CNTN2: variants seen among roughly 807,000 people sequenced by gnomAD.
CNTN2 encodes contactin-2.
CNTN2 carries 53 observed loss-of-function variants against 117.5 expected under a neutral mutation model. The observed-to-expected ratio is 0.45, with a 90% CI of 0.36 to 0.57. The LOEUF is 0.57. Among genes scored for constraint, CNTN2 ranks in the 20% least tolerant of loss-of-function variants. CNTN2 has a pLI of 0.00. For missense variants in CNTN2, 1,106 were observed against 1,404.3 expected (o/e 0.79, Z 3.39); for synonymous variants, 530 against 561.7 (o/e 0.94, Z 0.80).
rs557499523 is a variant in CNTN2 at position 205,056,273 on chromosome 1, C to T, written c.71-1648C>T. On this transcript the variant is annotated intron_variant, in intron 2 of 22. Coordinates refer to ENST00000331830, the MANE Select transcript of CNTN2 (RefSeq NM_005076.5). ...TCCCAGCAGTCCGGCTGCCTCCCAGCGCCTCCTTTGCCTCCCCTCCCAGCA... is the reference window on the plus strand; with the variant it reads ...TCCCAGCAGTCCGGCTGCCTCCCAGTGCCTCCTTTGCCTCCCCTCCCAGCA... Among the ~76,000 whole-genome samples the T allele has an allele frequency of 3.9e-5, 6 of 152,316 alleles. No individual in the cohort carries two copies. The East Asian group carries it at 7.7e-4, about 20-fold the overall frequency.
chr1:205,065,034 G>A lies in CNTN2; in HGVS notation c.1520-53G>A. 1 of 1,589,834 alleles carries A rather than the reference G, an allele frequency of 6.3e-7. No individual in the cohort carries two copies. Among genetic ancestry groups the A allele is most frequent in the South Asian group, 1.1e-5 (1 of 89,082 alleles). On this transcript the variant is annotated intron_variant, in intron 12 of 22. Coordinates refer to ENST00000331830, the MANE Select transcript of CNTN2 (RefSeq NM_005076.5). This position sits in a 1 kb window ranked among gnomAD's most constrained non-coding sequence, Gnocchi z 4.1. ...CCTCTCAGCCTGCCCTGCGGACCCG[G>A]CCTGGGCCCATTTCCTCCCCCATCC...
rs969123490 is a variant in CNTN2, at chr1:205,061,071, C to T, written c.798-174C>T. ...TCTTGCCCCTTCCCTGCGTGTGCTC[C>T]GAGCCTACCTGGGAGAGGAGAGTGA... On this transcript the variant is annotated intron_variant, in intron 7 of 22. Transcript: ENST00000331830. This position sits in a 1 kb window ranked among gnomAD's most constrained non-coding sequence, Gnocchi z 4.8. The T allele has an allele frequency of 6.6e-5, 45 of 681,556 alleles. No individual in the cohort carries two copies. Among genetic ancestry groups the T allele is most frequent in the East Asian group, 1.1e-4 (4 of 34,828 alleles). The allele number at this position is 681,556 out of a possible 1,614,324, so 42.2% of individuals were successfully genotyped here. A position where few individuals can be genotyped will look rare whatever the true frequency, so the allele number is the denominator to read the frequency against.
At chr1:205,044,180 G>A (rs2096437132) in intron 1 of CNTN2, among the ~76,000 whole-genome samples, 1 of 152,166 alleles carries the variant, frequency 6.6e-6, no homozygotes, top group Admixed American at 6.5e-5. Flanking sequence ...AATGGTATGG[G>A]GAAGGGAAGG....
chr1:205,058,584 C>T lies in CNTN2; in HGVS notation c.408C>T (p.Ser136=). 2.5e-6 allele frequency: 4 copies of T among 1,613,892 alleles called. No homozygotes were observed. The highest frequency in any genetic ancestry group is 3.4e-6 in the Non-Finnish European group (4 of 1,180,008). ...TGCCTCCAGTTCTGCAGGAATTCTC[C>T]AAGGAGGAGCGAGACCCAGTGAAAG... ...ILRFGFLQEF[S]KEERDPVKAH... is the part of the protein sequence containing the mutation. The change falls in exon 5 of 23, where the codon TCC becomes TCT. Residue 136 remains serine, a synonymous_variant. Transcript: ENST00000331830. The surrounding 1 kb of genome is among the most constrained non-coding windows in gnomAD (Gnocchi z 4.3).
In CNTN2 at chr1:205,048,054, C is replaced by T. The variant is rs1364323417; in HGVS notation, c.-87+4660C>T. Among the ~76,000 whole-genome samples, 3 of 152,154 alleles carry T rather than the reference C, an allele frequency of 2.0e-5. No individual in the cohort carries two copies. The highest frequency in any genetic ancestry group is 7.2e-5 in the African/African-American group (3 of 41,442). On this transcript the variant is annotated intron_variant, in intron 1 of 22. Transcript: ENST00000331830. The surrounding 1 kb of genome is among the most constrained non-coding windows in gnomAD (Gnocchi z 4.1). ...GCTGTTTTATAGGATAGAGGTCAAG[C>T]GGGGGCCTGAAGGGCTCCTCAAGTA...
intron 1 of CNTN2, among the ~76,000 whole-genome samples, chr1:205,047,159 C>T (rs777513968): frequency 3.9e-5 from 6 of 152,158 alleles, no homozygotes; most frequent in Non-Finnish European, 7.4e-5. Flanking sequence ...TAAGGAAGGA[C>T]GGGGCTGCAC....
chr1:205,069,437 C>T (rs1008884945), intron 16 of CNTN2, 54 bp from the exon 17 acceptor site: 1 of 1,583,306 alleles, frequency 6.3e-7, no homozygotes, highest in African/African-American at 1.3e-5. Flanking sequence ...TCAGGGCTTT[C>T]ATTTTTTCCT....
chr1:205,069,702 C>T (rs936395103), intron 17 of CNTN2, 125 bp from the exon 18 acceptor site: 7 of 1,393,458 alleles, frequency 5.0e-6, no homozygotes, highest in Admixed American at 1.8e-5. Context: ...CTGCCCCTTA[C>T]GCGAATCCAC....
chr1:205,062,236 G>A lies in CNTN2; in HGVS notation c.1111-204G>A, dbSNP rs983585261. On this transcript the variant is annotated intron_variant, in intron 9 of 22. Transcript: ENST00000331830. Reference sequence around the variant, plus strand: ...AAAGAAGTGATGTGGTCCTGACTGGGTCACCTCACCCTTCCAGCTTTGGGG... The same window carrying A: ...AAAGAAGTGATGTGGTCCTGACTGGATCACCTCACCCTTCCAGCTTTGGGG... 4.8e-6 allele frequency: 4 copies of A among 836,440 alleles called. No individual in the cohort carries two copies. In the African/African-American group the frequency reaches 6.9e-5, roughly 14 times the overall value. 51.8% of individuals were successfully genotyped at this position (836,440 alleles called of 1,614,324 possible).
intron 2 of CNTN2, chr1:205,057,521 C>T (rs1177893991): frequency 6.3e-6 from 1 of 157,604 alleles, no homozygotes; most frequent in East Asian, 1.8e-4. Flanking sequence ...TCCTGTCTCC[C>T]TCCTTGGACC....
rs1360169659 is a variant in CNTN2 at position 205,048,006 on chromosome 1, T to C, written c.-87+4612T>C. ...GACAGCAGCAGGCAGGTTGACTCAA[T>C]GGCCTGCCCTGTTAACCAGTGTGCT... On this transcript the variant is annotated intron_variant, in intron 1 of 22. Transcript: ENST00000331830. The surrounding 1 kb of genome is among the most constrained non-coding windows in gnomAD (Gnocchi z 4.1). 2.0e-5 allele frequency among the ~76,000 whole-genome samples: 3 copies of C among 152,198 alleles called. No individual in the cohort carries two copies. Among genetic ancestry groups the C allele is most frequent in the South Asian group, 2.1e-4 (1 of 4,830 alleles).
chr1:205,051,225 C>T (rs1244490070), intron 1 of CNTN2, among the ~76,000 whole-genome samples: 1 of 152,234 alleles, frequency 6.6e-6, no homozygotes, highest in East Asian at 1.9e-4. Flanking sequence ...CACAATCTCT[C>T]CCCTGGGCAG....
At chr1:205,045,337 C>T (rs1373276620) in intron 1 of CNTN2, among the ~76,000 whole-genome samples, 2 of 152,188 alleles carry the variant, frequency 1.3e-5, no homozygotes, top group African/African-American at 4.8e-5. Context: ...TATGCAACTC[C>T]ATTCCAGCAC....
At chr1:205,045,228 CCTT>C (rs2096439464) in intron 1 of CNTN2, among the ~76,000 whole-genome samples, 1 of 152,180 alleles carries the variant, frequency 6.6e-6, no homozygotes, top group Non-Finnish European at 1.5e-5. Flanking sequence ...TTCCTCTACT[CCTT>C]CTTTCCTCGC....
chr1:205,044,941 T>C (rs941100113), intron 1 of CNTN2, among the ~76,000 whole-genome samples: 2 of 152,160 alleles, frequency 1.3e-5, no homozygotes, highest in Admixed American at 6.5e-5. Context: ...TGCAGAACCA[T>C]GGACAGGGCT....
chr1:205,070,208 TC>T, intron 18 of CNTN2, 147 bp downstream of exon 18: 2 of 815,062 alleles, frequency 2.5e-6, no homozygotes, highest in Non-Finnish European at 3.9e-6. Context: ...TGGCCTCACT[TC>T]CAGCTCTTGC....
In CNTN2 at chr1:205,059,137, G is replaced by A. The variant is rs754696472; in HGVS notation, c.541G>A (p.Gly181Arg). 2.6e-5 allele frequency: 42 copies of A among 1,614,044 alleles called. No individual in the cohort carries two copies. The highest frequency in any genetic ancestry group is 3.2e-5 in the Non-Finnish European group (38 of 1,180,046). ...GTTCCCCAACTTCATCCCGACGGACGGGCGTCACTTCGTGTCCCAGACCAC... is the reference window on the plus strand; with the variant it reads ...GTTCCCCAACTTCATCCCGACGGACAGGCGTCACTTCGTGTCCCAGACCAC... ...NEFPNFIPTDGRHFVSQTTGN... is the reference protein window; with the variant it reads ...NEFPNFIPTDRRHFVSQTTGN... Residue 181 changes from glycine (G) to arginine (R), a missense_variant, in exon 6 of 23, where the codon GGG (glycine) becomes AGG (arginine). Gly to Arg is a moderately radical substitution (Grantham distance 125). Transcript: ENST00000331830. The surrounding 1 kb of genome is among the most constrained non-coding windows in gnomAD (Gnocchi z 5.6).
At position 205,074,346 on chromosome 1, in the gene CNTN2, C is replaced by T; in HGVS notation, c.*581C>T. Reference sequence around the variant, plus strand: ...CCTGCCTGCCCAAGCGGCTGAGAACCAGCGCCCCGATGCCTGAGGCTGGGA... The same window carrying T: ...CCTGCCTGCCCAAGCGGCTGAGAACTAGCGCCCCGATGCCTGAGGCTGGGA... On this transcript the variant is annotated 3_prime_UTR_variant, in exon 23 of 23. Transcript: ENST00000331830. 2.5e-6 allele frequency: 1 copy of T among 400,292 alleles called. No homozygotes were observed. Among genetic ancestry groups the T allele is most frequent in the South Asian group, 1.3e-4 (1 of 7,924 alleles). The allele number at this position is 400,292 out of a possible 1,614,324, so 24.8% of individuals were successfully genotyped here.
At position 205,061,197 on chromosome 1, in the gene CNTN2, G is replaced by T. The variant is rs750260540; in HGVS notation, c.798-48G>T. On this transcript the variant is annotated intron_variant, in intron 7 of 22. Transcript: ENST00000331830. The surrounding 1 kb of genome is among the most constrained non-coding windows in gnomAD (Gnocchi z 4.8). ...TATGAGGAGCTGCGGGCACTGGAGG[G>T]GTAGGCCCAGCTCAGCCCACACCCT... is the stretch of plus-strand genomic sequence containing the variant. 2 of 1,551,722 alleles carry T rather than the reference G, an allele frequency of 1.3e-6. No homozygotes were observed. Among genetic ancestry groups the T allele is most frequent in the Middle Eastern group, 2.1e-4 (1 of 4,690 alleles).
Sources: allele counts gnomAD v4.1 joint callset (sites outside exome capture counted in the v4.1 genomes callset), GRCh38; gene constraint gnomAD v4.1.1; non-coding constraint Gnocchi (gnomAD v3.1); transcripts MANE v1.5; gene names NCBI Gene and HGNC (gene_info 2026-07-23, HGNC 2026-07-21).